Variants in MACO1 observed in about 807,000 individuals in gnomAD.
The protein encoded by MACO1 is macoilin.
MACO1 carries 14 observed loss-of-function variants against 78.7 expected under a neutral mutation model. The observed-to-expected ratio is 0.18, with a 90% CI of 0.12 to 0.28. The LOEUF (loss-of-function observed/expected upper bound fraction) is 0.28. MACO1 is among the 10% of genes least tolerant of loss of function. MACO1 has a pLI of 1.00. For synonymous variants in MACO1, 288 were observed against 291.6 expected (o/e 0.99, Z 0.12); for missense variants, 501 against 799.0 (o/e 0.63, Z 4.50).
intron 1 of MACO1, 54 bp downstream of exon 1, chr1:25,431,232 C>A: frequency 7.1e-7 from 1 of 1,403,506 alleles, no homozygotes; most frequent in South Asian, 1.3e-5. Context: ...CCCCCTCCAG[C>A]TCCGAGGGGC....
At chr1:25,454,148 T>C (rs1420527047) in intron 3 of MACO1, 111 bp from the exon 4 acceptor site, 18 of 1,245,622 alleles carry the variant, frequency 1.4e-5, no homozygotes, top group Admixed American at 3.1e-5. Context: ...TAATTTAGTT[T>C]AGGTGAAGGT....
chr1:25,498,918 C>G lies in MACO1; in HGVS notation c.*452C>G, dbSNP rs1429993941. The G allele has an allele frequency of 6.5e-6, 1 of 154,752 alleles. No individual in the cohort carries two copies. Among genetic ancestry groups the G allele is most frequent in the East Asian group, 1.9e-4 (1 of 5,232 alleles). 9.6% of individuals were successfully genotyped at this position (154,752 alleles called of 1,614,324 possible). On this transcript the variant is annotated 3_prime_UTR_variant, in exon 11 of 11. Coordinates refer to ENST00000374343, the MANE Select transcript of MACO1 (RefSeq NM_018202.6). ...GTTTAAGAGTGAAGGGTTAAGTAAC[C>G]TAACAGAGCTTTGATGTTATAGCTG...
chr1:25,478,843 C>A (rs1242092027), intron 6 of MACO1, among the ~76,000 whole-genome samples: 1 of 152,170 alleles, frequency 6.6e-6, no homozygotes, highest in Admixed American at 6.5e-5. Flanking sequence ...ACAGGGCAGG[C>A]CTTTGTAAGG....
intron 10 of MACO1, among the ~76,000 whole-genome samples, chr1:25,496,233 C>T (rs1319118799): frequency 3.3e-5 from 5 of 151,784 alleles, no homozygotes; most frequent in Admixed American, 6.6e-5. Context: ...CTACAACCTC[C>T]GCCTTCTGGG....
rs1293547949 is a variant in MACO1 at position 25,485,525 on chromosome 1, G to C, written c.1314-88G>C. The C allele has an allele frequency of 7.3e-7, 1 of 1,376,568 alleles. No homozygotes were observed. Among genetic ancestry groups the C allele is most frequent in the Non-Finnish European group, 9.9e-7 (1 of 1,012,656 alleles). 85.3% of individuals were successfully genotyped at this position (1,376,568 alleles called of 1,614,324 possible). A position where few individuals can be genotyped will look rare whatever the true frequency, so the allele number is the denominator to read the frequency against. On this transcript the variant is annotated intron_variant, in intron 7 of 10. Coordinates refer to ENST00000374343, the MANE Select transcript of MACO1 (RefSeq NM_018202.6). The surrounding 1 kb of genome is among the most constrained non-coding windows in gnomAD (Gnocchi z 4.3). ...GCTGTTCAAACCTCCTGTTTAATTGGCCTTAAGGTGATAAAGAGATGTTTC... is the reference window on the plus strand; with the variant it reads ...GCTGTTCAAACCTCCTGTTTAATTGCCCTTAAGGTGATAAAGAGATGTTTC...
chr1:25,435,978 T>C (rs986041650), intron 1 of MACO1, among the ~76,000 whole-genome samples: 6 of 152,204 alleles, frequency 3.9e-5, no homozygotes, highest in Non-Finnish European at 8.8e-5. Flanking sequence ...AAAATCCCTT[T>C]AAATTGCTGC....
chr1:25,441,835 G>C (rs1179925767), intron 1 of MACO1, among the ~76,000 whole-genome samples: 2 of 152,176 alleles, frequency 1.3e-5, no homozygotes, highest in African/African-American at 4.8e-5. Context: ...CTTTGACTCA[G>C]AAAGAAATGT....
At chr1:25,484,303 T>TA (rs780360858) in intron 7 of MACO1, 29 bp downstream of exon 7, 5 of 1,553,658 alleles carry the variant, frequency 3.2e-6, no homozygotes, top group Non-Finnish European at 3.5e-6. Flanking sequence ...CCTTTGGCCG[T>TA]AAGCCCGGCA....
intron 10 of MACO1, among the ~76,000 whole-genome samples, chr1:25,495,898 G>A (rs1367364624): frequency 6.6e-6 from 1 of 152,150 alleles, no homozygotes; most frequent in African/African-American, 2.4e-5. Context: ...GAAAGTGGAG[G>A]TTGCAGTGAG....
intron 10 of MACO1, among the ~76,000 whole-genome samples, chr1:25,496,223 C>A (rs2043535288): frequency 6.6e-6 from 1 of 151,434 alleles, no homozygotes; most frequent in African/African-American, 2.4e-5. Flanking sequence ...TCTTGCCTCA[C>A]TACAACCTCC....
chr1:25,482,655 C>A (rs1350263404), intron 6 of MACO1, among the ~76,000 whole-genome samples: 1 of 152,218 alleles, frequency 6.6e-6, no homozygotes, highest in Non-Finnish European at 1.5e-5. Context: ...CTCAGACTCA[C>A]ATAGCACTTC....
At chr1:25,446,718 T>G in intron 1 of MACO1, 44 bp from the exon 2 acceptor site, 1 of 1,519,588 alleles carries the variant, frequency 6.6e-7, no homozygotes. Flanking sequence ...TTCTAGTTAT[T>G]CACAAATGAC....
chr1:25,487,877 A>G (rs1205934283), intron 8 of MACO1, among the ~76,000 whole-genome samples: 1 of 152,150 alleles, frequency 6.6e-6, no homozygotes, highest in Admixed American at 6.5e-5. Flanking sequence ...TCTTATCCCT[A>G]TTCTAAGACC....
At chr1:25,475,459 C>A (rs750495048) in intron 6 of MACO1, among the ~76,000 whole-genome samples, 5 of 151,094 alleles carry the variant, frequency 3.3e-5, no homozygotes, top group Non-Finnish European at 5.9e-5. Flanking sequence ...CGCCTGTAAT[C>A]TGAACACTTT....
At chr1:25,488,310 G>A (rs1194989383) in intron 8 of MACO1, among the ~76,000 whole-genome samples, 5 of 152,056 alleles carry the variant, frequency 3.3e-5, no homozygotes, top group Non-Finnish European at 5.9e-5. Context: ...CTTGGCCTTG[G>A]GAGTGCTGGG....
intron 6 of MACO1, among the ~76,000 whole-genome samples, chr1:25,477,089 A>G (rs954900848): frequency 1.4e-4 from 22 of 152,258 alleles, no homozygotes; most frequent in African/African-American, 5.3e-4. Context: ...AAGATTAAAC[A>G]TCAGAACAGC....
At chr1:25,468,737 A>G (rs2043240580) in intron 6 of MACO1, among the ~76,000 whole-genome samples, 1 of 152,188 alleles carries the variant, frequency 6.6e-6, no homozygotes, top group Non-Finnish European at 1.5e-5. Flanking sequence ...GGATTTTTTC[A>G]GGAATCTCTA....
At chr1:25,492,740 A>AC (rs2043498013) in intron 10 of MACO1, among the ~76,000 whole-genome samples, 1 of 152,186 alleles carries the variant, frequency 6.6e-6, no homozygotes, top group Non-Finnish European at 1.5e-5. Context: ...TTTTTGTCCA[A>AC]GAAATTGATT....
Position 25,485,777 on chromosome 1 carries a change from C to T in MACO1, c.1478C>T (p.Ala493Val), listed in dbSNP as rs778497320. ...LEEATAARAV[A>V]FAAASRGECT... ...GAAGCCACTGCTGCCCGGGCTGTTG[C>T]GTTTGCTGCTGCATCTAGGTATGTC... The change falls in exon 8 of 11, where the codon GCG becomes GTG. Residue 493 changes from alanine to valine, a missense_variant. Transcript: ENST00000374343. This position sits in a 1 kb window ranked among gnomAD's most constrained non-coding sequence, Gnocchi z 4.3. 2.4e-5 allele frequency: 38 copies of T among 1,612,808 alleles called. No individual in the cohort carries two copies. Among genetic ancestry groups the T allele is most frequent in the Non-Finnish European group, 3.0e-5 (35 of 1,179,596 alleles).
Sources: gnomAD v4.1 joint callset for allele counts (sites outside exome capture counted in the v4.1 genomes callset) on GRCh38, gnomAD v4.1.1 for gene constraint, Gnocchi (gnomAD v3.1) non-coding constraint, MANE v1.5 for transcripts, NCBI Gene and HGNC (gene_info 2026-07-23, HGNC 2026-07-21) for gene names.